The following PVALEF variants were observed in gnomAD, a reference collection of about 807,000 sequenced individuals.
PVALEF encodes parvalbumin-like EF-hand-containing protein.
In PVALEF, 2 loss-of-function variants were observed where a neutral mutation model predicts 1.2. The observed-to-expected ratio is 1.68, with a 90% CI of 0.69 to 5.28. PVALEF has a LOEUF of 5.28. Ranked by LOEUF, PVALEF falls within the 30% of genes most tolerant of loss-of-function variation. The probability of loss-of-function intolerance (pLI) is 0.06; values close to 1 mark genes in which losing one functional copy is unlikely to be tolerated. For missense variants in PVALEF, 35 were observed against 17.7 expected (o/e 1.97, Z -1.75); for synonymous variants, 16 against 6.5 (o/e 2.47, Z -2.24).
chr17:81,176,512 C>T (rs2061536015), intron 2 of PVALEF, among the ~76,000 whole-genome samples: 1 of 151,552 alleles, frequency 6.6e-6, no homozygotes, highest in Admixed American at 6.6e-5. Flanking sequence ...AGCAAATCTC[C>T]ATCTCAAAAC....
intron 2 of PVALEF, among the ~76,000 whole-genome samples, chr17:81,169,177 G>A (rs1389986094): frequency 1.3e-5 from 2 of 152,218 alleles, no homozygotes; most frequent in Admixed American, 6.5e-5. Flanking sequence ...CTTCCTGGGG[G>A]GAGGAAACTT....
intron 2 of PVALEF, among the ~76,000 whole-genome samples, chr17:81,172,888 G>A (rs1403425468): frequency 5.9e-5 from 9 of 152,074 alleles, no homozygotes; most frequent in Admixed American, 1.3e-4. Flanking sequence ...CCGAGAAAGC[G>A]GATACTGCAG....
intron 2 of PVALEF, among the ~76,000 whole-genome samples, chr17:81,167,638 A>G (rs1232765505): frequency 6.6e-6 from 1 of 152,156 alleles, no homozygotes; most frequent in Non-Finnish European, 1.5e-5. Flanking sequence ...CTAACAGGCA[A>G]AGCAAGGGGC....
chr17:81,179,610 C>T (rs1319912984), intron 3 of PVALEF, among the ~76,000 whole-genome samples: 3 of 152,296 alleles, frequency 2.0e-5, no homozygotes, highest in Admixed American at 1.3e-4. Context: ...CACACAGAGC[C>T]GGCTCTGGTC....
intron 2 of PVALEF, among the ~76,000 whole-genome samples, chr17:81,173,127 C>T (rs1055990202): frequency 2.6e-5 from 4 of 152,186 alleles, no homozygotes; most frequent in Non-Finnish European, 5.9e-5. Flanking sequence ...TACAAAGGCC[C>T]TACCCTATGA....
intron 2 of PVALEF, among the ~76,000 whole-genome samples, chr17:81,178,374 A>G (rs965606464): frequency 1.3e-5 from 2 of 152,064 alleles, no homozygotes; most frequent in Non-Finnish European, 2.9e-5. Flanking sequence ...CCACAGGGGC[A>G]GGGCTGTTGG....
At chr17:81,177,507 T>C (rs150083607) in intron 2 of PVALEF, among the ~76,000 whole-genome samples, 1,693 of 151,708 alleles carry the variant, frequency 0.011, 10 homozygotes, top group Non-Finnish European at 0.019. Context: ...GATCACACTA[T>C]TGCACTCCAG....
At chr17:81,176,630 G>A (rs923852461) in intron 2 of PVALEF, among the ~76,000 whole-genome samples, 10 of 151,562 alleles carry the variant, frequency 6.6e-5, no homozygotes, top group South Asian at 4.2e-4. Context: ...TGGTGAGGAC[G>A]TGGGGCTATC....
At chr17:81,175,458 A>T (rs896942657) in intron 2 of PVALEF, among the ~76,000 whole-genome samples, 5 of 152,208 alleles carry the variant, frequency 3.3e-5, no homozygotes, top group African/African-American at 1.2e-4. Context: ...ATAGAATCTC[A>T]AGAGACCCAA....
At chr17:81,173,449 G>T (rs2061527035) in intron 2 of PVALEF, among the ~76,000 whole-genome samples, 1 of 152,196 alleles carries the variant, frequency 6.6e-6, no homozygotes, top group Admixed American at 6.5e-5. Flanking sequence ...CAGCAGGTGG[G>T]GTGGGAGCTC....
chr17:81,177,333 A>C (rs2061539103), intron 2 of PVALEF, among the ~76,000 whole-genome samples: 1 of 149,874 alleles, frequency 6.7e-6, no homozygotes, highest in East Asian at 2.0e-4. Flanking sequence ...AGATCACCTG[A>C]GGTCAGGAGT....
chr17:81,169,767 T>C (rs1174237463), intron 2 of PVALEF, among the ~76,000 whole-genome samples: 2 of 150,736 alleles, frequency 1.3e-5, no homozygotes, highest in African/African-American at 2.5e-5. Flanking sequence ...TGTGTATGCA[T>C]GTGTGTCTGT....
intron 6 of PVALEF, among the ~76,000 whole-genome samples, chr17:81,182,328 C>T (rs773503475): frequency 3.9e-5 from 6 of 152,172 alleles, no homozygotes; most frequent in South Asian, 2.1e-4. Context: ...TCTCAGAGCT[C>T]GGGGTGCCAT....
intron 2 of PVALEF, among the ~76,000 whole-genome samples, chr17:81,170,039 GGCATGTGTGT>G (rs1487095289): frequency 3.4e-5 from 5 of 145,006 alleles, no homozygotes; most frequent in African/African-American, 5.1e-5. Context: ...TAGGTGTGTT[GGCATGTGTGT>G]GCATGTGTGT....
chr17:81,172,594 A>G (rs754087988), intron 2 of PVALEF, among the ~76,000 whole-genome samples: 2 of 151,966 alleles, frequency 1.3e-5, no homozygotes, highest in African/African-American at 2.4e-5. Context: ...CCTGGCCTAT[A>G]TGGTGAAAAT....
Position 81,173,125 on chromosome 17 carries a change from C to A in PVALEF, c.-339-5793C>A, listed in dbSNP as rs552712943. ...CACCCTGGTGACAGCCCTACAAAGG[C>A]CCTACCCTATGAGAGATGCCGGCGA... On this transcript the variant is annotated intron_variant, in intron 2 of 6. Coordinates refer to ENST00000637878, the MANE Select transcript of PVALEF (RefSeq NM_001354639.2). Among the ~76,000 whole-genome samples the A allele has an allele frequency of 2.6e-5, 4 of 152,274 alleles. No homozygotes were observed. The East Asian group carries it at 7.7e-4, about 29-fold the overall frequency.
chr17:81,172,043 G>C (rs187315589), intron 2 of PVALEF, among the ~76,000 whole-genome samples: 12 of 152,314 alleles, frequency 7.9e-5, no homozygotes, highest in South Asian at 4.1e-4. Flanking sequence ...GGAATCACAT[G>C]GTATGTGGGG....
intron 2 of PVALEF, among the ~76,000 whole-genome samples, chr17:81,171,724 C>G (rs1203138075): frequency 1.3e-5 from 2 of 152,106 alleles, no homozygotes; most frequent in Non-Finnish European, 2.9e-5. Flanking sequence ...GATCTCCTGA[C>G]CTCGTGATCC....
At chr17:81,182,476 C>T (rs1373698432) in intron 6 of PVALEF, among the ~76,000 whole-genome samples, 1 of 152,214 alleles carries the variant, frequency 6.6e-6, no homozygotes, top group Non-Finnish European at 1.5e-5. Context: ...CCTCCAGACA[C>T]CGCTTGCCCA....
Sources: gnomAD v4.1 joint callset for allele counts (sites outside exome capture counted in the v4.1 genomes callset) on GRCh38, gnomAD v4.1.1 for gene constraint, MANE v1.5 for transcripts, NCBI Gene and HGNC (gene_info 2026-07-23, HGNC 2026-07-21) for gene names.